NCOA2: variants seen among roughly 807,000 people sequenced by gnomAD.
NCOA2 encodes the protein class E basic helix-loop-helix protein 75.
A neutral mutation model predicts 145.1 loss-of-function variants in NCOA2; 21 were observed. That is an observed-to-expected ratio of 0.14 (90% CI 0.10 to 0.21). The LOEUF is 0.21. Ranked by LOEUF, NCOA2 falls within the 10% of genes least tolerant of loss-of-function variation. The pLI, the probability that NCOA2 is intolerant of heterozygous loss-of-function variation, is 1.00. For synonymous variants in NCOA2, 619 were observed against 637.5 expected (o/e 0.97, Z 0.44); for missense variants, 1,472 against 1,837.6 (o/e 0.80, Z 3.64).
At chr8:70,197,208 G>T (rs115792025) in intron 4 of NCOA2, among the ~76,000 whole-genome samples, 1 of 152,202 alleles carries the variant, frequency 6.6e-6, no homozygotes, top group African/African-American at 2.4e-5. Flanking sequence ...TACTCCCGGA[G>T]ATCAAAAAAC....
At chr8:70,121,263 T>A (rs747861797) in intron 22 of NCOA2, 39 bp downstream of exon 22, 36 of 1,535,270 alleles carry the variant, frequency 2.3e-5, no homozygotes, top group Non-Finnish European at 3.1e-5. Context: ...TCATGTTTGC[T>A]TTACTTCCAT....
chr8:70,430,697 G>A, the NCOA2 span, among the ~76,000 whole-genome samples: 2 of 152,150 alleles, frequency 1.3e-5, no homozygotes, highest in Non-Finnish European at 2.9e-5. Context: ...AAAAATGGTT[G>A]CTTCGTTTCT....
intron 1 of NCOA2, among the ~76,000 whole-genome samples, chr8:70,357,602 G>A (rs563226966): frequency 3.6e-4 from 55 of 152,162 alleles, no homozygotes; most frequent in African/African-American, 1.1e-3. Context: ...TTCGCCAGGC[G>A]TTGTGGTGGG....
At chr8:70,214,111 A>T in intron 3 of NCOA2, 36 bp from the exon 4 acceptor site, 1 of 1,560,880 alleles carries the variant, frequency 6.4e-7, no homozygotes, top group Non-Finnish European at 8.6e-7. Context: ...GATGTATTTG[A>T]AAAAGAGCTA....
chr8:70,308,595 G>C (rs1340348715), intron 1 of NCOA2, among the ~76,000 whole-genome samples: 1 of 152,084 alleles, frequency 6.6e-6, no homozygotes, highest in Non-Finnish European at 1.5e-5. Context: ...TTCCATGGGG[G>C]AAATTCATTT....
chr8:70,241,515 A>G (rs1822125562), intron 2 of NCOA2, among the ~76,000 whole-genome samples: 1 of 152,202 alleles, frequency 6.6e-6, no homozygotes, highest in Non-Finnish European at 1.5e-5. Context: ...TCACTAAAGT[A>G]CAAACATTAA....
intron 2 of NCOA2, among the ~76,000 whole-genome samples, chr8:70,265,783 T>C (rs1275244795): frequency 2.0e-5 from 3 of 152,152 alleles, no homozygotes; most frequent in African/African-American, 4.8e-5. Flanking sequence ...TCACCCTGTG[T>C]ACCAAGAGCA....
At chr8:70,362,836 G>A (rs1052171772) in intron 1 of NCOA2, among the ~76,000 whole-genome samples, 1 of 152,088 alleles carries the variant, frequency 6.6e-6, no homozygotes, top group Non-Finnish European at 1.5e-5. Context: ...CCAGCACCTT[G>A]GGAGGCCAAG....
chr8:70,202,883 T>C (rs1485422432), intron 4 of NCOA2, among the ~76,000 whole-genome samples: 4 of 152,174 alleles, frequency 2.6e-5, no homozygotes, highest in Non-Finnish European at 4.4e-5. Context: ...AAAGTCTCCT[T>C]GGAAGGACCA....
At chr8:70,440,523 G>A in the NCOA2 span, among the ~76,000 whole-genome samples, 1 of 151,808 alleles carries the variant, frequency 6.6e-6, no homozygotes, top group East Asian at 2.0e-4. Context: ...GCAGTGGGCC[G>A]AGATGCGCCA....
chr8:70,440,530 G>A, the NCOA2 span, among the ~76,000 whole-genome samples: 7 of 151,862 alleles, frequency 4.6e-5, no homozygotes, highest in Admixed American at 3.9e-4. Flanking sequence ...GCCGAGATGC[G>A]CCACTGCACT....
chr8:70,317,808 T>C (rs1009147192), intron 1 of NCOA2, among the ~76,000 whole-genome samples: 5 of 152,072 alleles, frequency 3.3e-5, no homozygotes, highest in Non-Finnish European at 7.4e-5. Context: ...ACCTGTAATC[T>C]AAACACTTTG....
chr8:70,424,857 G>C, the NCOA2 span, among the ~76,000 whole-genome samples: 1 of 152,194 alleles, frequency 6.6e-6, no homozygotes, highest in Non-Finnish European at 1.5e-5. Context: ...TCCACTTGAA[G>C]ATGTACAAAC....
chr8:70,116,784 G>T (rs539416626), intron 22 of NCOA2, among the ~76,000 whole-genome samples: 1 of 152,226 alleles, frequency 6.6e-6, no homozygotes, highest in Non-Finnish European at 1.5e-5. Flanking sequence ...TCAGCATGAA[G>T]AAAGTGCAGG....
chr8:70,449,129 T>C, the NCOA2 span, among the ~76,000 whole-genome samples: 2 of 152,198 alleles, frequency 1.3e-5, no homozygotes, highest in Non-Finnish European at 2.9e-5. Flanking sequence ...AAATTAAAAA[T>C]AGATTTCTCA....
chr8:70,250,384 C>T (rs558738856), intron 2 of NCOA2, among the ~76,000 whole-genome samples: 1 of 112,776 alleles, frequency 8.9e-6, no homozygotes, highest in South Asian at 2.8e-4. Context: ...CAGAGTGAGA[C>T]CCTGTCTCAA....
chr8:70,196,511 TA>T (rs1212315317), intron 4 of NCOA2, among the ~76,000 whole-genome samples: 3 of 152,246 alleles, frequency 2.0e-5, no homozygotes, highest in Non-Finnish European at 4.4e-5. Context: ...TAGAGACAGT[TA>T]TGACCTAAAG....
intron 5 of NCOA2, among the ~76,000 whole-genome samples, chr8:70,173,759 T>C (rs1302219820): frequency 6.6e-6 from 1 of 152,178 alleles, no homozygotes; most frequent in Non-Finnish European, 1.5e-5. Flanking sequence ...GGAGTCTTTA[T>C]TGTGTGCCCC....
chr8:70,348,199 C>T (rs1044180964), intron 1 of NCOA2, among the ~76,000 whole-genome samples: 3 of 152,164 alleles, frequency 2.0e-5, no homozygotes, highest in African/African-American at 4.8e-5. Context: ...AGATTACCCT[C>T]GACAAGCTTC....
Sources: allele counts gnomAD v4.1 joint callset (sites outside exome capture counted in the v4.1 genomes callset), GRCh38; gene constraint gnomAD v4.1.1; transcripts MANE v1.5; gene names NCBI Gene and HGNC (gene_info 2026-07-23, HGNC 2026-07-21).